Variants in POLI observed in about 807,000 individuals in gnomAD.
POLI encodes the protein DNA polymerase iota, also known as RAD30 homolog B.
Under a neutral mutation model 51.6 loss-of-function variants are expected in POLI, and 58 were observed. That is an observed-to-expected ratio of 1.12 (90% CI 0.91 to 1.40). POLI has a LOEUF of 1.40. POLI is among the 40% of genes most tolerant of loss of function. The pLI, the probability that POLI is intolerant of heterozygous loss-of-function variation, is 0.00. For synonymous variants in POLI, 322 were observed against 299.7 expected, an observed-to-expected ratio of 1.07 and a Z score of -0.77; for missense variants, 921 against 871.3, an observed-to-expected ratio of 1.06 and a Z score of -0.72.
chr18:54,284,191 G>T (rs2087645933), intron 7 of POLI, 178 bp downstream of exon 7: 2 of 429,392 alleles, frequency 4.7e-6, no homozygotes, highest in Non-Finnish European at 4.2e-6. Context: ...TGGTAATAGG[G>T]GGTCTTACCT....
chr18:54,311,392 GAATTACTATTGA>G, intron 3 of POLI, among the ~76,000 whole-genome samples: 1 of 152,166 alleles, frequency 6.6e-6, no homozygotes, highest in East Asian at 1.9e-4. Flanking sequence ...AAGTACTATT[GAATTACTATTGA>G]AATTACTATT....
At chr18:54,308,101 T>C (rs1269658209) in intron 3 of POLI, among the ~76,000 whole-genome samples, 1 of 152,208 alleles carries the variant, frequency 6.6e-6, no homozygotes, top group African/African-American at 2.4e-5. Flanking sequence ...AATATTGTTA[T>C]GTGTGAATTT....
intron 3 of POLI, among the ~76,000 whole-genome samples, chr18:54,314,565 A>C (rs958311975): frequency 6.6e-6 from 1 of 151,936 alleles, no homozygotes; most frequent in East Asian, 1.9e-4. Context: ...GCTCTTCTTT[A>C]TATGTCTTAT....
At position 54,271,502 on chromosome 18, in the gene POLI, A is replaced by G; in HGVS notation, c.241+17A>G. The G allele has an allele frequency of 6.7e-7, 1 of 1,490,954 alleles. No individual in the cohort carries two copies. Among genetic ancestry groups the G allele is most frequent in the South Asian group, 1.2e-5 (1 of 83,004 alleles). The allele number at this position is 1,490,954 out of a possible 1,614,324, so 92.4% of individuals were successfully genotyped here. On this transcript the variant is annotated intron_variant, in intron 2 of 9. Coordinates refer to ENST00000579534, the MANE Select transcript of POLI (RefSeq NM_007195.3). The stretch of plus-strand genomic sequence containing the variant: ...AACCTTTAGGTAACTGTAGATTTAT[A>G]ATATTTTTAATTGCATAATGATTAG...
At chr18:54,308,661 T>C (rs752954194) in intron 3 of POLI, among the ~76,000 whole-genome samples, 7 of 152,232 alleles carry the variant, frequency 4.6e-5, no homozygotes, top group Non-Finnish European at 7.3e-5. Context: ...TCCTGGATAA[T>C]ATCCTGAAGA....
intron 3 of POLI, among the ~76,000 whole-genome samples, chr18:54,315,159 A>T (rs966979291): frequency 5.3e-5 from 8 of 151,976 alleles, no homozygotes; most frequent in Non-Finnish European, 1.2e-4. Context: ...TTGGTATGCT[A>T]TGTCTCTATT....
At chr18:54,290,049 G>C (rs909054260) in intron 8 of POLI, among the ~76,000 whole-genome samples, 1 of 152,196 alleles carries the variant, frequency 6.6e-6, no homozygotes, top group Non-Finnish European at 1.5e-5. Flanking sequence ...GCAACCTACA[G>C]AATGGGAGAA....
chr18:54,291,008 CTTGAAT>C, intron 8 of POLI, among the ~76,000 whole-genome samples: 1 of 152,062 alleles, frequency 6.6e-6, no homozygotes, highest in Admixed American at 6.6e-5. Context: ...TCAAGTTTTT[CTTGAAT>C]TTTAATTTCT....
chr18:54,272,627 A>G (rs1176721815), intron 2 of POLI, among the ~76,000 whole-genome samples: 1 of 150,716 alleles, frequency 6.6e-6, no homozygotes. Flanking sequence ...GTGCGCCACC[A>G]TACTCGGTTA....
intron 1 of POLI, chr18:54,270,568 A>T (rs986931896): frequency 5.9e-5 from 9 of 152,216 alleles, no homozygotes; most frequent in Non-Finnish European, 1.2e-4. Context: ...TAACATTGGT[A>T]TAATACTATT....
In POLI at chr18:54,297,059, C is replaced by T; in HGVS notation, c.*2592C>T. Reference sequence around the variant, plus strand: ...TCTCTGGGTGAGGTGGTACAAACTCCTTGGCATACTCTATTCACCTTTGTG... The same window carrying T: ...TCTCTGGGTGAGGTGGTACAAACTCTTTGGCATACTCTATTCACCTTTGTG... On this transcript the variant is annotated 3_prime_UTR_variant, in exon 10 of 10. Coordinates refer to ENST00000579534, the MANE Select transcript of POLI (RefSeq NM_007195.3). 1 of 985,364 alleles carries T rather than the reference C, an allele frequency of 1.0e-6. No individual in the cohort carries two copies. Among genetic ancestry groups the T allele is most frequent in the Non-Finnish European group, 1.2e-6 (1 of 829,916 alleles). 61.0% of individuals were successfully genotyped at this position (985,364 alleles called of 1,614,324 possible). A position where few individuals can be genotyped will look rare whatever the true frequency, so the allele number is the denominator to read the frequency against.
At chr18:54,303,810 C>T (rs1232141472) in intron 3 of POLI, among the ~76,000 whole-genome samples, 5 of 150,524 alleles carry the variant, frequency 3.3e-5, no homozygotes, top group Admixed American at 2.0e-4. Context: ...ATGTGCACAA[C>T]ATGCAGGTTT....
intron 4 of POLI, chr18:54,320,504 A>G (rs1186683661): frequency 3.9e-5 from 6 of 152,230 alleles, no homozygotes; most frequent in Non-Finnish European, 7.3e-5. Context: ...TGTTCAAGCC[A>G]CAATTCCAAA....
chr18:54,314,252 C>T (rs936891507), intron 3 of POLI, among the ~76,000 whole-genome samples: 1 of 151,802 alleles, frequency 6.6e-6, no homozygotes, highest in Non-Finnish European at 1.5e-5. Flanking sequence ...AAAGTTGGTT[C>T]AACATAATAA....
chr18:54,296,785 A>G lies in POLI; in HGVS notation c.*2318A>G, dbSNP rs1208819591. On this transcript the variant is annotated 3_prime_UTR_variant, in exon 10 of 10. Coordinates refer to ENST00000579534, the MANE Select transcript of POLI (RefSeq NM_007195.3). ...TGATGGTTTTAATTTCAATAAATAT[A>G]TTTTTCATTTGATTCTTTTTAACTT... The G allele has an allele frequency of 2.2e-6, 1 of 456,230 alleles. No homozygotes were observed. Among genetic ancestry groups the G allele is most frequent in the Non-Finnish European group, 2.9e-6 (1 of 348,632 alleles). The allele number at this position is 456,230 out of a possible 1,614,324, so 28.3% of individuals were successfully genotyped here. A position where few individuals can be genotyped will look rare whatever the true frequency, so the allele number is the denominator to read the frequency against.
chr18:54,313,917 C>T (rs184143381), intron 3 of POLI, among the ~76,000 whole-genome samples: 1 of 152,270 alleles, frequency 6.6e-6, no homozygotes, highest in East Asian at 1.9e-4. Context: ...TTGACTTCCT[C>T]TCTGGCTGTT....
rs1269825390 is a variant in POLI at position 54,294,700 on chromosome 18, T to C, written c.*233T>C. 2.7e-6 allele frequency: 3 copies of C among 1,114,734 alleles called. No homozygotes were observed. The highest frequency in any genetic ancestry group is 8.7e-5 in the Admixed American group (2 of 23,004). 69.1% of individuals were successfully genotyped at this position (1,114,734 alleles called of 1,614,324 possible). ...GTCTAAAGCCATTTTATATTACTTT[T>C]CAATAAAAAGAATATCATGGTCAAC... On this transcript the variant is annotated 3_prime_UTR_variant, in exon 10 of 10. Coordinates refer to ENST00000579534, the MANE Select transcript of POLI (RefSeq NM_007195.3).
intron 3 of POLI, among the ~76,000 whole-genome samples, chr18:54,277,156 G>T (rs904814954): frequency 6.6e-6 from 1 of 152,120 alleles, no homozygotes; most frequent in African/African-American, 2.4e-5. Context: ...CTGCCTCTCT[G>T]TCCTAAGGAA....
At chr18:54,311,530 C>T (rs1011323549) in intron 3 of POLI, among the ~76,000 whole-genome samples, 1 of 152,104 alleles carries the variant, frequency 6.6e-6, no homozygotes, top group Non-Finnish European at 1.5e-5. Flanking sequence ...TTATCTAAAC[C>T]AAACCTATGT....
Sources: allele counts gnomAD v4.1 joint callset (sites outside exome capture counted in the v4.1 genomes callset), GRCh38; gene constraint gnomAD v4.1.1; transcripts MANE v1.5; gene names NCBI Gene and HGNC (gene_info 2026-07-23, HGNC 2026-07-21).